Variants in TNKS observed in about 807,000 individuals in gnomAD.
TNKS encodes the protein poly [ADP-ribose] polymerase tankyrase-1.
Under a neutral mutation model 135.8 loss-of-function variants are expected in TNKS, and 72 were observed. The observed-to-expected ratio is 0.53, with a 90% confidence interval of 0.44 to 0.64. The LOEUF (loss-of-function observed/expected upper bound fraction) is 0.64, where lower values mean the gene tolerates loss of function less well. Ranked by LOEUF, TNKS falls within the 30% of genes least tolerant of loss-of-function variation. TNKS has a pLI of 0.00. For missense variants in TNKS, 1,769 were observed against 1,674.0 expected (o/e 1.06, Z -0.99); for synonymous variants, 849 against 649.3 (o/e 1.31, Z -4.68).
At chr8:9,672,705 C>A (rs1284516344) in intron 3 of TNKS, among the ~76,000 whole-genome samples, 125 of 112,142 alleles carry the variant, frequency 1.1e-3, no homozygotes, top group African/African-American at 4.1e-3. Context: ...CACACACACA[C>A]ACACACAAAA....
rs117228141 is a variant in TNKS at position 9,753,639 on chromosome 8, A to G, written c.3153+1013A>G. Among the ~76,000 whole-genome samples, 884 of 152,368 alleles carry G rather than the reference A, an allele frequency of 5.8e-3. 5 individuals are homozygous for G. The highest frequency in any genetic ancestry group is 0.011 in the Admixed American group (167 of 15,310). On this transcript the variant is annotated intron_variant, in intron 20 of 26. Coordinates refer to ENST00000310430, the MANE Select transcript of TNKS (RefSeq NM_003747.3). ...CTGAATTTAAATGGACTATTGATAT[A>G]CATGAAATTTAAGAATGGGAAAGGT...
chr8:9,761,786 C>T (rs1807162270), intron 21 of TNKS, 150 bp downstream of exon 21: 9 of 788,270 alleles, frequency 1.1e-5, no homozygotes, highest in Non-Finnish European at 1.5e-5. Context: ...TTATTGGCCT[C>T]ATGCTCCCTC....
chr8:9,681,604 A>T (rs1802785600), intron 5 of TNKS, among the ~76,000 whole-genome samples: 1 of 152,126 alleles, frequency 6.6e-6, no homozygotes, highest in Non-Finnish European at 1.5e-5. Context: ...ATTTTTAAAG[A>T]CACATTACAA....
intron 2 of TNKS, among the ~76,000 whole-genome samples, chr8:9,600,522 G>A (rs4621810): frequency 0.28 from 42,801 of 151,716 alleles, 6,292 homozygotes; most frequent in East Asian, 0.37. Flanking sequence ...CATGTTGACC[G>A]GGATGGTCTT....
chr8:9,733,542 T>C (rs1324700680), intron 15 of TNKS, 98 bp downstream of exon 15: 11 of 998,134 alleles, frequency 1.1e-5, no homozygotes, highest in Non-Finnish European at 1.6e-5. Context: ...TTAAGAACAA[T>C]ACTGCTGTAG....
intron 3 of TNKS, among the ~76,000 whole-genome samples, chr8:9,673,002 C>G (rs1230335689): frequency 1.3e-5 from 2 of 152,182 alleles, no homozygotes; most frequent in Non-Finnish European, 2.9e-5. Context: ...TTAACAGCTT[C>G]TAGAGGAACA....
Position 9,706,173 on chromosome 8 carries a change from C to G in TNKS, c.1203-14C>G. ...TTGAAATTTAAGTATTTTAATTTGC[C>G]TCTTTTCATTTAGTGGACTTGTGCC... On this transcript the variant is annotated splice_polypyrimidine_tract_variant and intron_variant, in intron 6 of 26. Coordinates refer to ENST00000310430, the MANE Select transcript of TNKS (RefSeq NM_003747.3). 6.4e-7 allele frequency: 1 copy of G among 1,551,576 alleles called. No homozygotes were observed. Among genetic ancestry groups the G allele is most frequent in the Non-Finnish European group, 8.7e-7 (1 of 1,155,070 alleles).
At chr8:9,706,468 A>T (rs1243625939) in intron 7 of TNKS, among the ~76,000 whole-genome samples, 1 of 152,080 alleles carries the variant, frequency 6.6e-6, no homozygotes, top group East Asian at 1.9e-4. Context: ...AGTTCAAGTG[A>T]TCCTCCCCCT....
At chr8:9,637,675 GTCT>G (rs761112911) in intron 3 of TNKS, among the ~76,000 whole-genome samples, 1 of 152,120 alleles carries the variant, frequency 6.6e-6, no homozygotes, top group Non-Finnish European at 1.5e-5. Context: ...TACAAAATAA[GTCT>G]TCTTATTTTA....
chr8:9,730,825 G>A (rs1805399054), intron 13 of TNKS, 65 bp from the exon 14 acceptor site: 1 of 1,548,488 alleles, frequency 6.5e-7, no homozygotes, highest in African/African-American at 1.4e-5. Context: ...ACTATTTTGG[G>A]GCAAAACCTG....
chr8:9,613,605 G>T lies in TNKS; in HGVS notation c.899-1977G>T, dbSNP rs539775201. 2.6e-5 allele frequency among the ~76,000 whole-genome samples: 4 copies of T among 152,274 alleles called. No individual in the cohort carries two copies. In the South Asian group the frequency reaches 8.3e-4, roughly 32 times the overall value. Reference sequence around the variant, plus strand: ...TTCTTTCCTGTTGCTACATTACTTTGCTGTAGATGTGTCTGTGTTCAGGTC... The same window carrying T: ...TTCTTTCCTGTTGCTACATTACTTTTCTGTAGATGTGTCTGTGTTCAGGTC... On this transcript the variant is annotated intron_variant, in intron 2 of 26. Transcript: ENST00000310430.
At chr8:9,681,427 A>G (rs1217258810) in intron 5 of TNKS, among the ~76,000 whole-genome samples, 1 of 152,150 alleles carries the variant, frequency 6.6e-6, no homozygotes, top group Non-Finnish European at 1.5e-5. Context: ...TCTACTTTGT[A>G]TTCTTGCTGA....
chr8:9,566,318 A>AAGCT (rs1283167435), intron 1 of TNKS: 1 of 152,162 alleles, frequency 6.6e-6, no homozygotes, highest in Non-Finnish European at 1.5e-5. Context: ...AACTTTGAGC[A>AAGCT]AGCTATCAAA....
chr8:9,556,419 C>A lies in TNKS; in HGVS notation c.480C>A (p.Ser160Arg). ...AGAGCCCCGAGGCGGCCGGAGTTAGCAGCACAGCACCACTGGGGCCTGGGG... is the reference window on the plus strand; with the variant it reads ...AGAGCCCCGAGGCGGCCGGAGTTAGAAGCACAGCACCACTGGGGCCTGGGG... ...LAESPEAAGVSSTAPLGPGAA... is the reference protein window; with the variant it reads ...LAESPEAAGVRSTAPLGPGAA... Residue 160 changes from serine to arginine, a missense_variant, in exon 1 of 27, where the codon AGC (serine) becomes AGA (arginine). This residue lies in a region of TNKS where 450 missense variants were observed against 304.9 expected (regional missense o/e 1.48). Transcript: ENST00000310430. 1.2e-6 allele frequency: 2 copies of A among 1,614,204 alleles called. No individual in the cohort carries two copies. The highest frequency in any genetic ancestry group is 1.7e-6 in the Non-Finnish European group (2 of 1,180,036).
chr8:9,694,115 C>G (rs1471867524), intron 5 of TNKS, among the ~76,000 whole-genome samples: 2 of 152,134 alleles, frequency 1.3e-5, no homozygotes, highest in African/African-American at 4.8e-5. Context: ...TTTATTCTTC[C>G]TTAGGAAATG....
intron 26 of TNKS, among the ~76,000 whole-genome samples, chr8:9,773,170 G>A (rs972872365): frequency 1.3e-5 from 2 of 151,224 alleles, no homozygotes; most frequent in Admixed American, 6.6e-5. Context: ...AATTTGTATT[G>A]GAATAATCAG....
chr8:9,628,065 C>T (rs1199729908), intron 3 of TNKS, among the ~76,000 whole-genome samples: 1 of 152,160 alleles, frequency 6.6e-6, no homozygotes, highest in Non-Finnish European at 1.5e-5. Flanking sequence ...ATCTCACCTT[C>T]TCAGGAATTT....
intron 2 of TNKS, among the ~76,000 whole-genome samples, chr8:9,591,306 G>A (rs895027328): frequency 6.6e-6 from 1 of 152,030 alleles, no homozygotes; most frequent in East Asian, 1.9e-4. Flanking sequence ...TAGTTTTTTT[G>A]TTGTTGTATG....
intron 3 of TNKS, among the ~76,000 whole-genome samples, chr8:9,672,027 C>T (rs186067185): frequency 1.1e-4 from 17 of 152,294 alleles, no homozygotes; most frequent in Admixed American, 5.9e-4. Flanking sequence ...TTAGGCACTT[C>T]GTAGCCATCT....
Sources: allele counts gnomAD v4.1 joint callset (sites outside exome capture counted in the v4.1 genomes callset), GRCh38; gene constraint gnomAD v4.1.1; regional missense constraint gnomAD v4.1.1; transcripts MANE v1.5; gene names NCBI Gene and HGNC (gene_info 2026-07-23, HGNC 2026-07-21).